The following RAB6B variants were observed in gnomAD, a reference collection of about 807,000 sequenced individuals.
RAB6B encodes ras-related protein Rab-6B.
RAB6B carries 7 observed loss-of-function variants against 31.2 expected under a neutral mutation model. The observed-to-expected ratio is 0.22, with a 90% CI of 0.13 to 0.42. RAB6B has a LOEUF of 0.42. RAB6B is among the 10% of genes least tolerant of loss of function. The probability of loss-of-function intolerance (pLI) is 1.00; values close to 1 mark genes in which losing one functional copy is unlikely to be tolerated. For missense variants in RAB6B, 149 were observed against 280.6 expected (o/e 0.53, Z 3.35); for synonymous variants, 105 against 104.9 (o/e 1.00, Z -0.01).
intron 7 of RAB6B, among the ~76,000 whole-genome samples, chr3:133,831,130 C>T (rs774627253): frequency 1.9e-4 from 29 of 152,208 alleles, no homozygotes; most frequent in Non-Finnish European, 2.6e-4. Context: ...TACTTTTGTA[C>T]ACTGCACAGC....
chr3:133,858,351 A>AT (rs758159449), intron 2 of RAB6B, among the ~76,000 whole-genome samples: 58 of 152,320 alleles, frequency 3.8e-4, no homozygotes, highest in South Asian at 6.2e-4. Flanking sequence ...AATTCTTAAC[A>AT]TGTTTTTAAA....
intron 2 of RAB6B, among the ~76,000 whole-genome samples, chr3:133,845,203 G>A (rs2107993445): frequency 6.6e-6 from 1 of 152,308 alleles, no homozygotes; most frequent in Middle Eastern, 3.4e-3. Flanking sequence ...GTCTGAATGT[G>A]TCCCCTGTAA....
chr3:133,890,860 A>T (rs1333431711), intron 1 of RAB6B, among the ~76,000 whole-genome samples: 3 of 152,240 alleles, frequency 2.0e-5, no homozygotes, highest in African/African-American at 7.2e-5. Flanking sequence ...ATCCTTAGCT[A>T]ACAGAGACAA....
At chr3:133,872,743 C>A (rs1461067881) in intron 1 of RAB6B, among the ~76,000 whole-genome samples, 1 of 152,238 alleles carries the variant, frequency 6.6e-6, no homozygotes, top group African/African-American at 2.4e-5. Flanking sequence ...TGAAAAACCC[C>A]ATTTCAAACC....
rs1361333871 is a variant in RAB6B at position 133,841,778 on chromosome 3, T to A, written c.130-115A>T. The A allele has an allele frequency of 5.0e-6, 5 of 995,704 alleles. No individual in the cohort carries two copies. The African/African-American group carries it at 8.0e-5, about 16-fold the overall frequency. The allele number at this position is 995,704 out of a possible 1,614,324, so 61.7% of individuals were successfully genotyped here. The stretch of plus-strand genomic sequence containing the variant: ...CAAGAGGGGACGCTCATGTCAGGTC[T>A]AATGTGGCCATGCTCTGTCCTCCCT... On this transcript the variant is annotated intron_variant, in intron 2 of 7. Coordinates refer to ENST00000285208, the MANE Select transcript of RAB6B (RefSeq NM_016577.4).
chr3:133,879,861 C>T (rs1007556457), intron 1 of RAB6B, among the ~76,000 whole-genome samples: 1 of 152,216 alleles, frequency 6.6e-6, no homozygotes. Context: ...ATGCTAGCCA[C>T]CCTATTCTCA....
At chr3:133,872,974 C>T (rs1936346301) in intron 1 of RAB6B, among the ~76,000 whole-genome samples, 1 of 152,120 alleles carries the variant, frequency 6.6e-6, no homozygotes, top group Non-Finnish European at 1.5e-5. Context: ...CTGGTCTGGC[C>T]CAGGCCCTTC....
intron 1 of RAB6B, among the ~76,000 whole-genome samples, chr3:133,886,101 C>T (rs1367289602): frequency 1.3e-5 from 2 of 152,164 alleles, no homozygotes; most frequent in South Asian, 2.1e-4. Context: ...TTTCTCCACC[C>T]GCACCAGAAT....
At chr3:133,872,533 T>C (rs894111600) in intron 1 of RAB6B, among the ~76,000 whole-genome samples, 11 of 152,208 alleles carry the variant, frequency 7.2e-5, no homozygotes, top group South Asian at 4.1e-4. Flanking sequence ...TTCCTTTGGC[T>C]CTGTTTTCAC....
rs1042753294 is a variant in RAB6B, at chr3:133,828,338, G to T, written c.*450C>A. 1 of 352,544 alleles carries T rather than the reference G, an allele frequency of 2.8e-6. No homozygotes were observed. The highest frequency in any genetic ancestry group is 5.1e-6 in the Non-Finnish European group (1 of 194,426). The allele number at this position is 352,544 out of a possible 1,614,324, so 21.8% of individuals were successfully genotyped here. A position where few individuals can be genotyped will look rare whatever the true frequency, so the allele number is the denominator to read the frequency against. On this transcript the variant is annotated 3_prime_UTR_variant, in exon 8 of 8. Transcript: ENST00000285208. ...GCTCAGTTAATTGTTTTAATTTATTGGGCTGGGGATAGGAGGAAGGCAGAG... is the reference window on the plus strand; with the variant it reads ...GCTCAGTTAATTGTTTTAATTTATTTGGCTGGGGATAGGAGGAAGGCAGAG...
intron 2 of RAB6B, among the ~76,000 whole-genome samples, chr3:133,858,829 C>T (rs573055054): frequency 2.8e-4 from 43 of 152,332 alleles, no homozygotes; most frequent in East Asian, 3.9e-4. Context: ...TACTGCCCTC[C>T]ACTCCAACAT....
Position 133,828,775 on chromosome 3 carries a change from G to C in RAB6B, c.*13C>G, listed in dbSNP as rs771112288. 2 of 1,601,120 alleles carry C rather than the reference G, an allele frequency of 1.2e-6. No individual in the cohort carries two copies. Among genetic ancestry groups the C allele is most frequent in the Non-Finnish European group, 1.7e-6 (2 of 1,168,858 alleles). ...GCAAGGAGTGTCATGGGAAGCCACA[G>C]GTCGGCTCTGCATTAGCAGGAGCAG... On this transcript the variant is annotated 3_prime_UTR_variant, in exon 8 of 8. Coordinates refer to ENST00000285208, the MANE Select transcript of RAB6B (RefSeq NM_016577.4).
chr3:133,854,507 C>T (rs1375780027), intron 2 of RAB6B, among the ~76,000 whole-genome samples: 7 of 152,262 alleles, frequency 4.6e-5, no homozygotes, highest in African/African-American at 1.7e-4. Flanking sequence ...GCACCATGTC[C>T]TCTCAGAAGG....
intron 1 of RAB6B, among the ~76,000 whole-genome samples, chr3:133,873,832 CT>C (rs1936357546): frequency 6.6e-6 from 1 of 152,172 alleles, no homozygotes; most frequent in African/African-American, 2.4e-5. Flanking sequence ...TGACCAAAGC[CT>C]TCCTGATAAC....
Position 133,861,774 on chromosome 3 carries a change from G to C in RAB6B, c.129+2810C>G, listed in dbSNP as rs919417173. Reference sequence around the variant, plus strand: ...AGTGTGGGATGGAAAGAGGGAAGGAGGGGTAGATTCCATTCTAGGAACTGT... The same window carrying C: ...AGTGTGGGATGGAAAGAGGGAAGGACGGGTAGATTCCATTCTAGGAACTGT... On this transcript the variant is annotated intron_variant, in intron 2 of 7. Transcript: ENST00000285208. 7.2e-5 allele frequency among the ~76,000 whole-genome samples: 11 copies of C among 152,310 alleles called. No individual in the cohort carries two copies. In the South Asian group the frequency reaches 1.7e-3, roughly 23 times the overall value.
chr3:133,891,465 C>G (rs1440876875), intron 1 of RAB6B, among the ~76,000 whole-genome samples: 1 of 152,210 alleles, frequency 6.6e-6, no homozygotes, highest in African/African-American at 2.4e-5. Context: ...CGGAAGCTGC[C>G]TCTGACACCA....
chr3:133,855,024 C>A (rs1204138298), intron 2 of RAB6B, among the ~76,000 whole-genome samples: 1 of 152,250 alleles, frequency 6.6e-6, no homozygotes, highest in East Asian at 1.9e-4. Context: ...TTAGCCTTGG[C>A]CAGGCCTGGG....
At chr3:133,895,175 G>A (rs1490412760) in intron 1 of RAB6B, among the ~76,000 whole-genome samples, 1 of 151,000 alleles carries the variant, frequency 6.6e-6, no homozygotes, top group South Asian at 2.1e-4. Flanking sequence ...CCCCCACCCA[G>A]AGCCCACCCT....
intron 2 of RAB6B, among the ~76,000 whole-genome samples, chr3:133,851,871 T>A (rs1282086932): frequency 6.6e-6 from 1 of 152,180 alleles, no homozygotes; most frequent in Non-Finnish European, 1.5e-5. Context: ...GCTGACTCCT[T>A]TGGAGCACAT....
Sources: gnomAD v4.1 joint callset for allele counts (sites outside exome capture counted in the v4.1 genomes callset) on GRCh38, gnomAD v4.1.1 for gene constraint, MANE v1.5 for transcripts, NCBI Gene and HGNC (gene_info 2026-07-23, HGNC 2026-07-21) for gene names.